PAN2: variants seen among roughly 807,000 people sequenced by gnomAD.
PAN2 encodes PAN2-PAN3 deadenylation complex catalytic subunit PAN2.
A neutral mutation model predicts 133.3 loss-of-function variants in PAN2; 68 were observed. The observed-to-expected ratio is 0.51, with a 90% CI of 0.42 to 0.62. PAN2 has a LOEUF of 0.62. PAN2 is among the 20% of genes least tolerant of loss of function. PAN2 has a pLI of 0.00. For synonymous variants in PAN2, 462 were observed against 544.6 expected (o/e 0.85, Z 2.11); for missense variants, 1,042 against 1,500.5 (o/e 0.69, Z 5.05).
At position 56,319,712 on chromosome 12, in the gene PAN2, T is replaced by C; in HGVS notation, c.2999A>G (p.Gln1000Arg). 6.2e-7 allele frequency: 1 copy of C among 1,614,126 alleles called. No individual in the cohort carries two copies. Among genetic ancestry groups the C allele is most frequent in the Non-Finnish European group, 8.5e-7 (1 of 1,179,986 alleles). The change falls in exon 22 of 26, where the codon CAG (glutamine) becomes CGG (arginine). Residue 1000 changes from glutamine to arginine, a missense_variant. Transcript: ENST00000440411. This position sits in a 1 kb window ranked among gnomAD's most constrained non-coding sequence, Gnocchi z 5.4. Reference protein sequence around the residue: ...DGTKSTIKPSQMSVARITCVR... With the variant: ...DGTKSTIKPSRMSVARITCVR... ...ACAGGTAATCCTGGCTACTGACATC[T>C]GGCTTGGTTTAATGGTAGACTTGGT...
chr12:56,323,708 C>A, intron 14 of PAN2, 99 bp downstream of exon 14: 1 of 1,399,302 alleles, frequency 7.1e-7, no homozygotes, highest in Non-Finnish European at 1.0e-6. Context: ...CACCAGAGAT[C>A]CCTGGATGGC....
In PAN2 at chr12:56,326,904, A is replaced by G. The variant is rs1481895825; in HGVS notation, c.975T>C (p.His325=). 1.9e-6 allele frequency: 3 copies of G among 1,614,232 alleles called. No individual in the cohort carries two copies. Among genetic ancestry groups the G allele is most frequent in the Middle Eastern group, 1.7e-4 (1 of 6,060 alleles). The change falls in exon 7 of 26, where the codon CAT becomes CAC. Residue 325 remains histidine, a synonymous_variant. Coordinates refer to ENST00000440411, the MANE Select transcript of PAN2 (RefSeq NM_014871.6). ...TGLANPADIF[H]VNPVGPLLMT... ...TTAGCAGAGGCCCCACAGGATTCAC[A>G]TGAAAGATATCGGCTGGGTTGGCCA...
rs957244683 is a variant in PAN2 at position 56,319,826 on chromosome 12, G to C, written c.2946+38C>G. On this transcript the variant is annotated intron_variant, in intron 21 of 25. Transcript: ENST00000440411. This position sits in a 1 kb window ranked among gnomAD's most constrained non-coding sequence, Gnocchi z 5.4. ...GCTTACAACTCCTAATATCCTCAGC[G>C]TTCTCTTCCAATGCCCCATCCCTTT... The C allele has an allele frequency of 6.2e-7, 1 of 1,613,694 alleles. No homozygotes were observed. The highest frequency in any genetic ancestry group is 8.5e-7 in the Non-Finnish European group (1 of 1,179,726).
rs754739511 is a variant in PAN2 at position 56,319,971 on chromosome 12, G to A, written c.2839C>T (p.Arg947Trp). 9.3e-6 allele frequency: 15 copies of A among 1,614,012 alleles called. No individual in the cohort carries two copies. The highest frequency in any genetic ancestry group is 8.3e-5 in the Admixed American group (5 of 59,992). ...GTAGTATGTGTTTTCCGCTGCTTCC[G>A]TGCCAGCGAGGCTTCAGCCAGCAAG... Reference protein sequence around the residue: ...SVLLAEASLARKQRKTHTTFI... With the variant: ...SVLLAEASLAWKQRKTHTTFI... The change falls in exon 21 of 26, where the codon CGG becomes TGG. Residue 947 changes from arginine (R) to tryptophan (W), a missense_variant. By Grantham distance (101) the Arg-to-Trp change is moderately radical. Around this residue, in one of 3 missense-constraint regions of PAN2, gnomAD observed 908 missense variants for 1,223.5 expected, o/e 0.74. Coordinates refer to ENST00000440411, the MANE Select transcript of PAN2 (RefSeq NM_014871.6). This position sits in a 1 kb window ranked among gnomAD's most constrained non-coding sequence, Gnocchi z 5.4.
At position 56,322,721 on chromosome 12, in the gene PAN2, T is replaced by A. The variant is rs1406690705; in HGVS notation, c.2531A>T (p.Tyr844Phe). The change falls in exon 18 of 26, where the codon TAT becomes TTT. Residue 844 changes from tyrosine to phenylalanine, a missense_variant. Transcript: ENST00000440411. ...PARAEEEHGV[Y>F]VYDLMATVVH... ...CACAGTAGCCATCAGGTCATACACA[T>A]AGACACCATGCTCCTCCTCTGCCCT... The A allele has an allele frequency of 6.2e-7, 1 of 1,613,816 alleles. No homozygotes were observed.
intron 1 of PAN2, 75 bp from the exon 2 acceptor site, chr12:56,333,283 G>A (rs1444960793): frequency 6.6e-6 from 4 of 602,034 alleles, no homozygotes; most frequent in Admixed American, 5.9e-5. Context: ...GGTTATGGGG[G>A]CAGGAGGGAG....
At chr12:56,327,310 T>C in intron 6 of PAN2, 54 bp downstream of exon 6, 1 of 1,582,848 alleles carries the variant, frequency 6.3e-7, no homozygotes, top group Non-Finnish European at 8.7e-7. Context: ...CTTCGGGTTC[T>C]AGCTCTCCTT....
rs1876098175 is a variant in PAN2, at chr12:56,333,131, C to T, written c.-37G>A. 4 of 1,603,884 alleles carry T rather than the reference C, an allele frequency of 2.5e-6. No homozygotes were observed. In the Admixed American group the frequency reaches 5.0e-5, roughly 20 times the overall value. On this transcript the variant is annotated 5_prime_UTR_variant, in exon 2 of 26. Transcript: ENST00000440411. The stretch of plus-strand genomic sequence containing the variant: ...CAGCTTACACCTGTGTCACACCCTC[C>T]CTTACCACAGTCCCTTTAGATGCCT...
chr12:56,325,582 G>A (rs549832847), intron 8 of PAN2, 128 bp from the exon 9 acceptor site: 155 of 984,688 alleles, frequency 1.6e-4, no homozygotes, highest in African/African-American at 6.5e-4. Context: ...CTCAGCATCC[G>A]CTGCTTCCTT....
At chr12:56,325,235 G>A in intron 9 of PAN2, 100 bp downstream of exon 9, 1 of 1,577,942 alleles carries the variant, frequency 6.3e-7, no homozygotes, top group South Asian at 1.2e-5. Flanking sequence ...CAGGGTGGTA[G>A]TTGAAGGCCT....
At chr12:56,326,540 C>CA in intron 7 of PAN2, 77 bp downstream of exon 7, 1 of 1,512,350 alleles carries the variant, frequency 6.6e-7, no homozygotes, top group Non-Finnish European at 8.9e-7. Context: ...AGAATAACAA[C>CA]AGGGCTAGCA....
Position 56,317,055 on chromosome 12 carries a change from CA to C in PAN2, c.*553del, listed in dbSNP as rs975577421. 6.5e-6 allele frequency: 1 copy of C among 152,788 alleles called. No individual in the cohort carries two copies. Among genetic ancestry groups the C allele is most frequent in the African/African-American group, 2.4e-5 (1 of 41,440 alleles). 9.5% of individuals were successfully genotyped at this position (152,788 alleles called of 1,614,324 possible). ...AGTGGGATGGAAGACAGATGCTTCT[CA>C]GCCATCAGCAGGAATAAATGAAGCC... On this transcript the variant is annotated 3_prime_UTR_variant, in exon 26 of 26. Coordinates refer to ENST00000440411, the MANE Select transcript of PAN2 (RefSeq NM_014871.6).
rs1376176275 is a variant in PAN2 at position 56,324,062 on chromosome 12, G to A, written c.2052C>T (p.Leu684=). 1.2e-6 allele frequency: 2 copies of A among 1,614,246 alleles called. No homozygotes were observed. Among genetic ancestry groups the A allele is most frequent in the Non-Finnish European group, 1.7e-6 (2 of 1,180,044 alleles). ...CACTTTTGCTACCATCAGGGTAGGAGAGTGTGAAAAGCAGAGTGGATGAGG... is the reference window on the plus strand; with the variant it reads ...CACTTTTGCTACCATCAGGGTAGGAAAGTGTGAAAAGCAGAGTGGATGAGG... ...VRASSTLLFT[L]SYPDDKTGKN... The change falls in exon 13 of 26, where the codon CTC becomes CTT. Residue 684 remains leucine, a synonymous_variant. Coordinates refer to ENST00000440411, the MANE Select transcript of PAN2 (RefSeq NM_014871.6).
intron 25 of PAN2, among the ~76,000 whole-genome samples, 193 bp downstream of exon 25, chr12:56,318,044 G>A (rs1490550976): frequency 6.6e-6 from 1 of 152,172 alleles, no homozygotes; most frequent in Admixed American, 6.5e-5. Context: ...GGGTGTGGTG[G>A]TGTGTGCCTG....
rs1362419197 is a variant in PAN2 at position 56,326,312 on chromosome 12, C to T, written c.1359+1G>A. 2 of 1,595,142 alleles carry T rather than the reference C, an allele frequency of 1.3e-6. No individual in the cohort carries two copies. Among genetic ancestry groups the T allele is most frequent in the Non-Finnish European group, 1.7e-6 (2 of 1,165,868 alleles). On this transcript the variant is annotated splice_donor_variant, in intron 8 of 25. Coordinates refer to ENST00000440411, the MANE Select transcript of PAN2 (RefSeq NM_014871.6). LOFTEE classifies it high-confidence loss of function. ...GGGCTGACCCTCCACTCTGAACACA[C>T]CTGATTGCGCAGCCTGGTGCGGGGA...
intron 1 of PAN2, chr12:56,333,573 G>T (rs1876150944): frequency 6.3e-6 from 1 of 159,658 alleles, no homozygotes; most frequent in Non-Finnish European, 1.4e-5. Flanking sequence ...CTTTCTCCCA[G>T]AATTGGGGGT....
At chr12:56,324,239 A>T in intron 12 of PAN2, 54 bp from the exon 13 acceptor site, 1 of 1,611,202 alleles carries the variant, frequency 6.2e-7, no homozygotes, top group Non-Finnish European at 8.5e-7. Flanking sequence ...AGACCTTTTA[A>T]ATCACAGAGG....
In PAN2 at chr12:56,326,313, C is replaced by A. The variant is rs1426055718; in HGVS notation, c.1359G>T (p.Gln453His). The change falls in exon 8 of 26, where the codon CAG becomes CAT. Residue 453 changes from glutamine (Q) to histidine (H), a missense_variant and splice_region_variant. Around this residue, in one of 3 missense-constraint regions of PAN2, gnomAD observed 908 missense variants for 1,223.5 expected, o/e 0.74. Coordinates refer to ENST00000440411, the MANE Select transcript of PAN2 (RefSeq NM_014871.6). ...APNPRTRLRNQIPYRLKESDS... is the reference protein window; with the variant it reads ...APNPRTRLRNHIPYRLKESDS... The stretch of plus-strand genomic sequence containing the variant: ...GGCTGACCCTCCACTCTGAACACAC[C>A]TGATTGCGCAGCCTGGTGCGGGGAT... 6.3e-7 allele frequency: 1 copy of A among 1,595,052 alleles called. No individual in the cohort carries two copies. Among genetic ancestry groups the A allele is most frequent in the Non-Finnish European group, 8.6e-7 (1 of 1,165,860 alleles).
chr12:56,322,100 G>A lies in PAN2; in HGVS notation c.2766C>T (p.Leu922=). The A allele has an allele frequency of 6.2e-7, 1 of 1,602,866 alleles. No individual in the cohort carries two copies. Among genetic ancestry groups the A allele is most frequent in the Non-Finnish European group, 8.5e-7 (1 of 1,169,800 alleles). Residue 922 remains leucine (L), a synonymous_variant, in exon 20 of 26, where the codon CTC becomes CTT. Transcript: ENST00000440411. ...PAILYYVKRN[L]NSRYNLNIKN... is the part of the protein sequence containing the mutation. ...TACTGTTCAGGTTGTATCTGGAATTGAGATTCCGTTTGACATAATAAAGGA... is the reference window on the plus strand; with the variant it reads ...TACTGTTCAGGTTGTATCTGGAATTAAGATTCCGTTTGACATAATAAAGGA...
Sources: gnomAD v4.1 joint callset for allele counts (sites outside exome capture counted in the v4.1 genomes callset) on GRCh38, gnomAD v4.1.1 for gene constraint, gnomAD v4.1.1 regional missense constraint, Gnocchi (gnomAD v3.1) non-coding constraint, MANE v1.5 for transcripts, NCBI Gene and HGNC (gene_info 2026-07-23, HGNC 2026-07-21) for gene names.